Variants in PPM1L observed in about 807,000 individuals in gnomAD.
PPM1L encodes the protein protein phosphatase 1L.
PPM1L carries 13 observed loss-of-function variants against 31.4 expected under a neutral mutation model. The observed-to-expected ratio is 0.41, with a 90% CI of 0.27 to 0.66. PPM1L has a LOEUF of 0.66. Ranked by LOEUF, PPM1L falls within the 30% of genes least tolerant of loss-of-function variation. PPM1L has a pLI of 0.29. For missense variants in PPM1L, 326 were observed against 453.7 expected (o/e 0.72, Z 2.56); for synonymous variants, 184 against 175.4 (o/e 1.05, Z -0.39).
At chr3:160,906,707 C>G (rs575475144) in intron 1 of PPM1L, among the ~76,000 whole-genome samples, 11 of 152,306 alleles carry the variant, frequency 7.2e-5, no homozygotes, top group African/African-American at 2.4e-4. Context: ...GTGGCTATGG[C>G]TGAATGCTCA....
In PPM1L at chr3:161,074,086, A is replaced by T. The variant is rs1720025980; in HGVS notation, c.*4929A>T. ...GATTTTAATTCACTTTTGAAATTTTAACGATTTTTAAAACTAATGATCTGT... is the reference window on the plus strand; with the variant it reads ...GATTTTAATTCACTTTTGAAATTTTTACGATTTTTAAAACTAATGATCTGT... On this transcript the variant is annotated 3_prime_UTR_variant, in exon 4 of 4. Coordinates refer to ENST00000498165, the MANE Select transcript of PPM1L (RefSeq NM_139245.4). The T allele has an allele frequency of 6.6e-6, 1 of 152,254 alleles. No homozygotes were observed. Among genetic ancestry groups the T allele is most frequent in the Non-Finnish European group, 1.5e-5 (1 of 68,046 alleles). The allele number at this position is 152,254 out of a possible 1,614,324, so 9.4% of individuals were successfully genotyped here.
chr3:160,766,348 A>C (rs1189896391), intron 1 of PPM1L, among the ~76,000 whole-genome samples: 3 of 152,132 alleles, frequency 2.0e-5, no homozygotes, highest in African/African-American at 7.2e-5. Flanking sequence ...CCATGTGTTG[A>C]GGGAAGGACC....
chr3:160,768,299 C>A (rs1408170999), intron 1 of PPM1L, among the ~76,000 whole-genome samples: 1 of 152,140 alleles, frequency 6.6e-6, no homozygotes, highest in Non-Finnish European at 1.5e-5. Flanking sequence ...GGAGATTCCA[C>A]ATTTTCCCTG....
intron 1 of PPM1L, among the ~76,000 whole-genome samples, chr3:160,934,962 A>T (rs1714919343): frequency 6.6e-6 from 1 of 152,124 alleles, no homozygotes; most frequent in South Asian, 2.1e-4. Context: ...AAAAAAAAAG[A>T]TCACATCATT....
chr3:160,954,944 CTT>C (rs1715713608), intron 1 of PPM1L, among the ~76,000 whole-genome samples: 1 of 56,622 alleles, frequency 1.8e-5, no homozygotes, highest in African/African-American at 6.5e-5. Context: ...TCCTTCCTTC[CTT>C]CCTTCCTTCC....
At chr3:160,854,773 G>A (rs936378232) in intron 1 of PPM1L, among the ~76,000 whole-genome samples, 2 of 151,186 alleles carry the variant, frequency 1.3e-5, no homozygotes, top group Admixed American at 1.3e-4. Flanking sequence ...TGTTAAAATG[G>A]CCATATTGCC....
chr3:160,793,005 G>A (rs1025181228), intron 1 of PPM1L, among the ~76,000 whole-genome samples: 5 of 152,164 alleles, frequency 3.3e-5, no homozygotes, highest in African/African-American at 1.2e-4. Context: ...GTTTTTTGAA[G>A]GAAGGTCACA....
rs71628437 is a variant in PPM1L, at chr3:160,970,787, A to ATTTTTTTTTTTTTTT, written c.574+8885_574+8899dup. ...CAAGCTGATTTTAATTTCAGTTATA[A>ATTTTTTTTTTTTTTT]TTTTTTTTTTTTTTTTTTTTTTGAG... On this transcript the variant is annotated intron_variant, in intron 2 of 3. Coordinates refer to ENST00000498165, the MANE Select transcript of PPM1L (RefSeq NM_139245.4). 9.3e-5 allele frequency among the ~76,000 whole-genome samples: 9 copies of ATTTTTTTTTTTTTTT among 97,186 alleles called. 3 individuals are homozygous for ATTTTTTTTTTTTTTT. Among genetic ancestry groups the ATTTTTTTTTTTTTTT allele is most frequent in the African/African-American group, 4.0e-4 (9 of 22,374 alleles). The allele number at this position is 97,186 out of a possible 152,430, so 63.8% of individuals were successfully genotyped here.
In PPM1L at chr3:161,073,319, C is replaced by T. The variant is rs1213484443; in HGVS notation, c.*4162C>T. The T allele has an allele frequency of 3.3e-5, 5 of 152,188 alleles. No individual in the cohort carries two copies. The highest frequency in any genetic ancestry group is 7.3e-5 in the Non-Finnish European group (5 of 68,036). The allele number at this position is 152,188 out of a possible 1,614,324, so 9.4% of individuals were successfully genotyped here. A position where few individuals can be genotyped will look rare whatever the true frequency, so the allele number is the denominator to read the frequency against. The stretch of plus-strand genomic sequence containing the variant: ...AACTTTTTTGAGTGGCACCTAGTAA[C>T]ACTGCAAGGAACTTGTGTTCTAAAG... On this transcript the variant is annotated 3_prime_UTR_variant, in exon 4 of 4. Transcript: ENST00000498165.
chr3:161,059,270 G>A (rs957313477), intron 2 of PPM1L, among the ~76,000 whole-genome samples: 1 of 152,150 alleles, frequency 6.6e-6, no homozygotes, highest in African/African-American at 2.4e-5. Context: ...CACTGGACCA[G>A]AATCTTGGAT....
intron 1 of PPM1L, among the ~76,000 whole-genome samples, chr3:160,871,159 T>C (rs1193617585): frequency 6.6e-6 from 1 of 152,212 alleles, no homozygotes; most frequent in Non-Finnish European, 1.5e-5. Flanking sequence ...TTTAAAACTG[T>C]TGCTGTTGTA....
At chr3:160,866,426 T>G (rs886072627) in intron 1 of PPM1L, among the ~76,000 whole-genome samples, 1 of 152,212 alleles carries the variant, frequency 6.6e-6, no homozygotes, top group Non-Finnish European at 1.5e-5. Context: ...GTTGCAAAGA[T>G]CCATGTCCCT....
At chr3:161,042,169 C>T (rs1718931797) in intron 2 of PPM1L, among the ~76,000 whole-genome samples, 1 of 152,194 alleles carries the variant, frequency 6.6e-6, no homozygotes, top group Non-Finnish European at 1.5e-5. Context: ...GTTCTGTCAA[C>T]TTCAACTGTA....
At chr3:160,994,283 A>T (rs901187597) in intron 2 of PPM1L, among the ~76,000 whole-genome samples, 1 of 152,136 alleles carries the variant, frequency 6.6e-6, no homozygotes, top group Non-Finnish European at 1.5e-5. Context: ...TTACATGCAG[A>T]GGAGGGAGTT....
chr3:160,797,663 G>GT (rs1232040330), intron 1 of PPM1L, among the ~76,000 whole-genome samples: 2 of 152,222 alleles, frequency 1.3e-5, no homozygotes, highest in Non-Finnish European at 2.9e-5. Flanking sequence ...AGACAAGAAA[G>GT]TAAGACAGCC....
chr3:161,029,874 A>T (rs1576793519), intron 2 of PPM1L, among the ~76,000 whole-genome samples: 1 of 152,294 alleles, frequency 6.6e-6, no homozygotes, highest in East Asian at 1.9e-4. Context: ...TTATAAAATG[A>T]CATGACTTCA....
At chr3:161,010,835 T>C (rs1717869435) in intron 2 of PPM1L, among the ~76,000 whole-genome samples, 1 of 152,242 alleles carries the variant, frequency 6.6e-6, no homozygotes, top group African/African-American at 2.4e-5. Context: ...TTGAGAAGTG[T>C]CTATTCATAT....
At chr3:160,825,526 G>A (rs1713330225) in intron 1 of PPM1L, among the ~76,000 whole-genome samples, 2 of 152,132 alleles carry the variant, frequency 1.3e-5, no homozygotes, top group African/African-American at 4.8e-5. Context: ...CATGAGACAA[G>A]CATTGTTACC....
intron 1 of PPM1L, among the ~76,000 whole-genome samples, chr3:160,834,319 G>A (rs561480349): frequency 5.3e-5 from 8 of 151,974 alleles, no homozygotes; most frequent in South Asian, 2.1e-4. Context: ...CACCGTGCCC[G>A]GCCTTAAATA....
Sources: allele counts gnomAD v4.1 joint callset (sites outside exome capture counted in the v4.1 genomes callset), GRCh38; gene constraint gnomAD v4.1.1; transcripts MANE v1.5; gene names NCBI Gene and HGNC (gene_info 2026-07-23, HGNC 2026-07-21).